Variants in MTUS1 observed in about 807,000 individuals in gnomAD.
MTUS1 encodes microtubule associated scaffold protein 1.
MTUS1 carries 109 observed loss-of-function variants against 120.8 expected under a neutral mutation model. The observed-to-expected ratio is 0.90, with a 90% CI of 0.77 to 1.06. The LOEUF is 1.06. Among genes scored for constraint, MTUS1 ranks in the 50% least tolerant of loss-of-function variants. The pLI, the probability that MTUS1 is intolerant of heterozygous loss-of-function variation, is 0.00. For missense variants in MTUS1, 2,210 were observed against 1,486.3 expected (o/e 1.49, Z -8.01); for synonymous variants, 737 against 550.5 (o/e 1.34, Z -4.74).
chr8:17,664,262 G>A (rs1429090111), intron 8 of MTUS1, among the ~76,000 whole-genome samples: 1 of 152,112 alleles, frequency 6.6e-6, no homozygotes, highest in Admixed American at 6.5e-5. Context: ...TCCTAATTTG[G>A]AGGAGATTTT....
intron 6 of MTUS1, chr8:17,691,305 C>T (rs1177022939): frequency 6.6e-6 from 1 of 152,220 alleles, no homozygotes. Flanking sequence ...AAAATCTTAC[C>T]TATTGTGAGC....
chr8:17,645,841 T>A lies in MTUS1; in HGVS notation c.*85A>T. 1.3e-6 allele frequency: 2 copies of A among 1,503,784 alleles called. No homozygotes were observed. The highest frequency in any genetic ancestry group is 2.7e-5 in the South Asian group (2 of 74,630). The allele number at this position is 1,503,784 out of a possible 1,614,324, so 93.2% of individuals were successfully genotyped here. A position where few individuals can be genotyped will look rare whatever the true frequency, so the allele number is the denominator to read the frequency against. ...GTGATCACACGTGTGCTGATATACCTCTTGTGCCCACGTTCCTCCTTGGGG... is the reference window on the plus strand; with the variant it reads ...GTGATCACACGTGTGCTGATATACCACTTGTGCCCACGTTCCTCCTTGGGG... On this transcript the variant is annotated 3_prime_UTR_variant, in exon 15 of 15. Transcript: ENST00000693296.
chr8:17,690,783 C>T (rs17125129), intron 6 of MTUS1, among the ~76,000 whole-genome samples: 2,834 of 152,180 alleles, frequency 0.019, 86 homozygotes, highest in African/African-American at 0.065. Flanking sequence ...TAATTTTCCA[C>T]AGAGCCACAT....
rs188061347 is a variant in MTUS1, at chr8:17,799,804, G to A, written c.-155+1257C>T. Reference sequence around the variant, plus strand: ...AAAAGAACAGGTGAAAAAACGTGGTGCAAGTTACATAAATAACTACATATT... The same window carrying A: ...AAAAGAACAGGTGAAAAAACGTGGTACAAGTTACATAAATAACTACATATT... On this transcript the variant is annotated intron_variant, in intron 1 of 14. Transcript: ENST00000693296. Among the ~76,000 whole-genome samples, 11 of 152,204 alleles carry A rather than the reference G, an allele frequency of 7.2e-5. No homozygotes were observed. The South Asian group carries it at 1.2e-3, about 17-fold the overall frequency.
At chr8:17,724,205 G>T (rs1278789809) in intron 3 of MTUS1, 3 of 420,766 alleles carry the variant, frequency 7.1e-6, no homozygotes, top group Admixed American at 3.1e-5. Context: ...CCCCCATACT[G>T]GTGACTAAAA....
intron 1 of MTUS1, among the ~76,000 whole-genome samples, chr8:17,783,123 G>T (rs2051019196): frequency 6.6e-6 from 1 of 152,112 alleles, no homozygotes; most frequent in African/African-American, 2.4e-5. Flanking sequence ...AACGCAATGA[G>T]GATAACATGT....
intron 8 of MTUS1, among the ~76,000 whole-genome samples, 183 bp from the exon 9 acceptor site, chr8:17,656,248 C>T (rs958745210): frequency 2.6e-5 from 4 of 152,134 alleles, no homozygotes; most frequent in African/African-American, 9.7e-5. Flanking sequence ...AACACGAGGG[C>T]AGGGCGCAGT....
At chr8:17,663,600 GTTTT>G (rs1467610778) in intron 8 of MTUS1, among the ~76,000 whole-genome samples, 1 of 88,798 alleles carries the variant, frequency 1.1e-5, no homozygotes, top group Non-Finnish European at 3.0e-5. Context: ...GTTTTGTTTT[GTTTT>G]GTTTTTTTTG....
intron 3 of MTUS1, among the ~76,000 whole-genome samples, chr8:17,726,744 G>C (rs1044249324): frequency 6.6e-6 from 1 of 152,116 alleles, no homozygotes; most frequent in Non-Finnish European, 1.5e-5. Context: ...GGAAGAACAG[G>C]AAAACAGATT....
At position 17,755,519 on chromosome 8, in the gene MTUS1, T is replaced by C. The variant is rs1362881120; in HGVS notation, c.289A>G (p.Met97Val). 1.2e-6 allele frequency: 2 copies of C among 1,614,078 alleles called. No homozygotes were observed. Among genetic ancestry groups the C allele is most frequent in the African/African-American group, 2.7e-5 (2 of 74,932 alleles). Residue 97 changes from methionine to valine, a missense_variant, in exon 2 of 15, where the codon ATG (methionine) becomes GTG (valine). By Grantham distance (21) the Met-to-Val change is conservative (BLOSUM62 1). Transcript: ENST00000693296. ...SDFISKQVLD[M>V]HKDSICQCPA... ...CACTGACAAATAGAATCTTTATGCATATCTAACACCTGCTTACTAATGAAA... is the reference window on the plus strand; with the variant it reads ...CACTGACAAATAGAATCTTTATGCACATCTAACACCTGCTTACTAATGAAA...
chr8:17,678,353 C>T (rs1258445028), intron 7 of MTUS1, among the ~76,000 whole-genome samples: 2 of 135,772 alleles, frequency 1.5e-5, no homozygotes, highest in East Asian at 2.2e-4. Flanking sequence ...TGCAGAATTA[C>T]ACACAATGTG....
chr8:17,779,849 C>G (rs1350302593), intron 1 of MTUS1, among the ~76,000 whole-genome samples: 1 of 152,204 alleles, frequency 6.6e-6, no homozygotes, highest in Non-Finnish European at 1.5e-5. Context: ...CAAATACACT[C>G]CGATAACAAT....
At chr8:17,732,391 A>G (rs570446744) in intron 3 of MTUS1, among the ~76,000 whole-genome samples, 3 of 152,100 alleles carry the variant, frequency 2.0e-5, no homozygotes, top group African/African-American at 7.2e-5. Context: ...TTCTTCTTGA[A>G]AGGCTTTCCT....
At chr8:17,712,111 A>G (rs1563248640) in intron 6 of MTUS1, among the ~76,000 whole-genome samples, 1 of 152,226 alleles carries the variant, frequency 6.6e-6, no homozygotes, top group Admixed American at 6.5e-5. Flanking sequence ...ACACACAGAC[A>G]TGAAGTGAGC....
chr8:17,657,530 T>C (rs1248917548), intron 8 of MTUS1, among the ~76,000 whole-genome samples: 2 of 149,860 alleles, frequency 1.3e-5, no homozygotes, highest in East Asian at 3.9e-4. Flanking sequence ...ATCCCGCCAC[T>C]GCACTCCAGC....
rs753505914 is a variant in MTUS1, at chr8:17,754,127, A to C, written c.1681T>G (p.Leu561Val). 1.4e-5 allele frequency: 23 copies of C among 1,613,710 alleles called. No individual in the cohort carries two copies. The South Asian group carries it at 2.5e-4, about 18-fold the overall frequency. The part of the protein sequence containing the change: ...TVLSRTPRSD[L>V]NADKKAEILI... ...ATTTCTGCTTTTTTGTCTGCATTCA[A>C]GTCAGATCTCGGTGTTCTGCTCAAG... The change falls in exon 2 of 15, where the codon TTG becomes GTG. Residue 561 changes from leucine to valine, a missense_variant. Coordinates refer to ENST00000693296, the MANE Select transcript of MTUS1 (RefSeq NM_001363059.2).
chr8:17,721,741 G>C (rs778427988), intron 4 of MTUS1: 12 of 1,591,202 alleles, frequency 7.5e-6, no homozygotes, highest in Admixed American at 7.1e-5. Context: ...GGCTAACAAA[G>C]GAATTATACA....
intron 7 of MTUS1, among the ~76,000 whole-genome samples, chr8:17,679,314 GTATC>G (rs1415518578): frequency 9.9e-6 from 1 of 100,704 alleles, no homozygotes; most frequent in Non-Finnish European, 2.4e-5. Context: ...TATACAATGT[GTATC>G]TGTATCTATT....
intron 13 of MTUS1, 43 bp from the exon 14 acceptor site, chr8:17,647,122 A>G (rs973397300): frequency 6.6e-7 from 1 of 1,510,894 alleles, no homozygotes. Flanking sequence ...AATATTAAAA[A>G]AAAAACCCCT....
Sources: gnomAD v4.1 joint callset for allele counts (sites outside exome capture counted in the v4.1 genomes callset) on GRCh38, gnomAD v4.1.1 for gene constraint, MANE v1.5 for transcripts, NCBI Gene and HGNC (gene_info 2026-07-23, HGNC 2026-07-21) for gene names.